Variants in CCDC167 observed in about 807,000 individuals in gnomAD.
CCDC167 encodes coiled-coil domain containing 167.
In CCDC167, 15 loss-of-function variants were observed where a neutral mutation model predicts 12.7. The observed-to-expected ratio is 1.18, with a 90% CI of 0.79 to 1.81. CCDC167 has a LOEUF of 1.81. Ranked by LOEUF, CCDC167 falls within the 40% of genes most tolerant of loss-of-function variation. The pLI, the probability that CCDC167 is intolerant of heterozygous loss-of-function variation, is 0.00. For synonymous variants in CCDC167, 52 were observed against 49.0 expected (o/e 1.06, Z -0.26); for missense variants, 121 against 120.1 (o/e 1.01, Z -0.03).
intron 1 of CCDC167, among the ~76,000 whole-genome samples, chr6:37,490,140 C>T (rs1465224076): frequency 2.0e-5 from 3 of 152,220 alleles, no homozygotes; most frequent in African/African-American, 7.2e-5. Context: ...GGTATGAACC[C>T]ACTGTCAGCC....
chr6:37,483,066 A>C lies in CCDC167; in HGVS notation c.*120T>G. On this transcript the variant is annotated 3_prime_UTR_variant, in exon 4 of 4. Coordinates refer to ENST00000373408, the MANE Select transcript of CCDC167 (RefSeq NM_138493.3). ...CTGGGCCGCCAGGAAGCCATGCTTG[A>C]ACACTAGGTTGGGAGGGGAACACCC... is the stretch of plus-strand genomic sequence containing the variant. The C allele has an allele frequency of 1.2e-6, 1 of 829,930 alleles. No individual in the cohort carries two copies. 51.4% of individuals were successfully genotyped at this position (829,930 alleles called of 1,614,324 possible).
intron 1 of CCDC167, among the ~76,000 whole-genome samples, chr6:37,488,961 G>A (rs1449678012): frequency 6.6e-6 from 1 of 152,188 alleles, no homozygotes; most frequent in Non-Finnish European, 1.5e-5. Context: ...GGTGTGGCTG[G>A]GCATGGTGGC....
chr6:37,498,963 C>T (rs1043364078), intron 1 of CCDC167, among the ~76,000 whole-genome samples: 1 of 152,150 alleles, frequency 6.6e-6, no homozygotes, highest in African/African-American at 2.4e-5. Context: ...AATCACTGAA[C>T]TCACTAGTAA....
Position 37,483,227 on chromosome 6 carries a change from A to C in CCDC167, c.253T>G (p.Phe85Val). The C allele has an allele frequency of 1.2e-6, 2 of 1,614,172 alleles. No individual in the cohort carries two copies. The highest frequency in any genetic ancestry group is 1.7e-6 in the Non-Finnish European group (2 of 1,179,996). Residue 85 changes from phenylalanine (F) to valine (V), a missense_variant, in exon 4 of 4, where the codon TTT becomes GTT. Phe to Val is a conservative substitution (Grantham distance 50). Coordinates refer to ENST00000373408, the MANE Select transcript of CCDC167 (RefSeq NM_138493.3). ...RKNMLLSVAI[F>V]ILLTLVYAYW... ...GCATAGACGAGCGTCAGGAGGATAA[A>C]GATGGCCACAGAGAGCAGCATGTTC...
intron 1 of CCDC167, among the ~76,000 whole-genome samples, chr6:37,499,549 C>A (rs1762138147): frequency 6.6e-6 from 1 of 152,062 alleles, no homozygotes; most frequent in Non-Finnish European, 1.5e-5. Context: ...CTATGCCAGG[C>A]CGTCTTTGGG....
At chr6:37,483,434 C>A in intron 3 of CCDC167, 145 bp from the exon 4 acceptor site, 2 of 621,512 alleles carry the variant, frequency 3.2e-6, no homozygotes, top group Admixed American at 2.4e-5. Context: ...TGACTCTGCC[C>A]TTCTTAATCT....
At chr6:37,498,943 A>G (rs748501304) in intron 1 of CCDC167, among the ~76,000 whole-genome samples, 20 of 152,206 alleles carry the variant, frequency 1.3e-4, no homozygotes, top group Non-Finnish European at 2.6e-4. Context: ...TATGCATGCT[A>G]AAGTTTGAGA....
At chr6:37,499,716 A>G (rs1323324525) in intron 1 of CCDC167, 106 bp downstream of exon 1, 1 of 1,289,722 alleles carries the variant, frequency 7.8e-7, no homozygotes, top group African/African-American at 1.5e-5. Flanking sequence ...TCGCCCTCTC[A>G]TCCTACGCTT....
chr6:37,491,692 C>T (rs1762024918), intron 1 of CCDC167, among the ~76,000 whole-genome samples: 1 of 152,180 alleles, frequency 6.6e-6, no homozygotes, highest in Non-Finnish European at 1.5e-5. Flanking sequence ...CCAAAAGTCC[C>T]AGCAAAATGG....
At chr6:37,486,910 G>T (rs1253234635) in intron 1 of CCDC167, among the ~76,000 whole-genome samples, 2 of 151,898 alleles carry the variant, frequency 1.3e-5, no homozygotes, top group Non-Finnish European at 2.9e-5. Flanking sequence ...TCAGTACCCT[G>T]AGACTCAGAT....
At chr6:37,489,761 G>C (rs931724893) in intron 1 of CCDC167, among the ~76,000 whole-genome samples, 1 of 152,218 alleles carries the variant, frequency 6.6e-6, no homozygotes, top group Non-Finnish European at 1.5e-5. Flanking sequence ...GGCCACAGGG[G>C]CTCCCAGGAC....
Position 37,499,829 on chromosome 6 carries a change from G to C in CCDC167, c.35C>G (p.Ala12Gly). Residue 12 changes from alanine (A) to glycine (G), a missense_variant, in exon 1 of 4, where the codon GCT becomes GGT. By Grantham distance (60) the Ala-to-Gly change is moderately conservative. Transcript: ENST00000373408. ...TKKKRENLGV[A>G]LEIDGLEEKL... ...CCCCACTTTTCCCCTCACCTCTAGAGCGACGCCCAGATTCTCCCGCTTCTT... is the reference window on the plus strand; with the variant it reads ...CCCCACTTTTCCCCTCACCTCTAGACCGACGCCCAGATTCTCCCGCTTCTT... 6.2e-7 allele frequency: 1 copy of C among 1,614,140 alleles called. No homozygotes were observed. The highest frequency in any genetic ancestry group is 1.1e-5 in the South Asian group (1 of 91,078).
Position 37,486,071 on chromosome 6 carries a change from C to A in CCDC167, c.43-877G>T, listed in dbSNP as rs1260220431. 3.9e-5 allele frequency among the ~76,000 whole-genome samples: 6 copies of A among 152,288 alleles called. No individual in the cohort carries two copies. The South Asian group carries it at 1.0e-3, about 26-fold the overall frequency. ...TGGCCACCTCTCTGGCTGGGGCGAG[C>A]CTGGGTGTCAGTGGGTGGAAGGGTT... On this transcript the variant is annotated intron_variant, in intron 1 of 3. Coordinates refer to ENST00000373408, the MANE Select transcript of CCDC167 (RefSeq NM_138493.3).
chr6:37,490,230 G>T (rs1762000863), intron 1 of CCDC167, among the ~76,000 whole-genome samples: 1 of 152,164 alleles, frequency 6.6e-6, no homozygotes, highest in South Asian at 2.1e-4. Flanking sequence ...CGGTCCAGGG[G>T]CCCAAGGAAC....
chr6:37,499,104 T>G (rs2113912193), intron 1 of CCDC167, among the ~76,000 whole-genome samples: 1 of 152,256 alleles, frequency 6.6e-6, no homozygotes, highest in South Asian at 2.1e-4. Flanking sequence ...CTCCACCACT[T>G]CCACCATCTC....
In CCDC167 at chr6:37,483,031, G is replaced by A. The variant is rs1431028036; in HGVS notation, c.*155C>T. 2.8e-6 allele frequency: 2 copies of A among 712,964 alleles called. No homozygotes were observed. Among genetic ancestry groups the A allele is most frequent in the African/African-American group, 1.8e-5 (1 of 57,080 alleles). 44.2% of individuals were successfully genotyped at this position (712,964 alleles called of 1,614,324 possible). On this transcript the variant is annotated 3_prime_UTR_variant, in exon 4 of 4. Transcript: ENST00000373408. ...ACCCGGAACCCCCCAGCAGGCCAGG[G>A]AGGCAAGGCCTGGGCCGCCAGGAAG...
chr6:37,487,459 A>G (rs1030230104), intron 1 of CCDC167, among the ~76,000 whole-genome samples: 1 of 152,228 alleles, frequency 6.6e-6, no homozygotes, highest in Non-Finnish European at 1.5e-5. Context: ...GAAGCTAGAA[A>G]AAGCTAGGAG....
rs1761892892 is a variant in CCDC167 at position 37,483,230 on chromosome 6, T to C, written c.250A>G (p.Ile84Val). 1 of 1,614,120 alleles carries C rather than the reference T, an allele frequency of 6.2e-7. No individual in the cohort carries two copies. Among genetic ancestry groups the C allele is most frequent in the Non-Finnish European group, 8.5e-7 (1 of 1,180,002 alleles). ...TAGACGAGCGTCAGGAGGATAAAGATGGCCACAGAGAGCAGCATGTTCTTC... is the reference window on the plus strand; with the variant it reads ...TAGACGAGCGTCAGGAGGATAAAGACGGCCACAGAGAGCAGCATGTTCTTC... Reference protein sequence around the residue: ...NRKNMLLSVAIFILLTLVYAY... With the variant: ...NRKNMLLSVAVFILLTLVYAY... Residue 84 changes from isoleucine to valine, a missense_variant, in exon 4 of 4, where the codon ATC becomes GTC. Transcript: ENST00000373408.
Position 37,483,005 on chromosome 6 carries a change from G to T in CCDC167, c.*181C>A. The T allele has an allele frequency of 1.5e-6, 1 of 677,776 alleles. No individual in the cohort carries two copies. Among genetic ancestry groups the T allele is most frequent in the Non-Finnish European group, 2.8e-6 (1 of 361,452 alleles). 42.0% of individuals were successfully genotyped at this position (677,776 alleles called of 1,614,324 possible). A position where few individuals can be genotyped will look rare whatever the true frequency, so the allele number is the denominator to read the frequency against. On this transcript the variant is annotated 3_prime_UTR_variant, in exon 4 of 4. Transcript: ENST00000373408. The stretch of plus-strand genomic sequence containing the variant: ...GGGACCAGCACCATGTCCTTCTGGA[G>T]ACCCGGAACCCCCCAGCAGGCCAGG...
Sources: gnomAD v4.1 joint callset for allele counts (sites outside exome capture counted in the v4.1 genomes callset) on GRCh38, gnomAD v4.1.1 for gene constraint, MANE v1.5 for transcripts, NCBI Gene and HGNC (gene_info 2026-07-23, HGNC 2026-07-21) for gene names.